The following DIP2B variants were observed in gnomAD, a reference collection of about 807,000 sequenced individuals.
The protein encoded by DIP2B is disco-interacting protein 2 homolog B.
A neutral mutation model predicts 198.0 loss-of-function variants in DIP2B; 76 were observed. The ratio of observed to expected loss-of-function variants is 0.38; its 90% CI spans 0.32 to 0.46. DIP2B has a LOEUF of 0.46. DIP2B is among the 20% of genes least tolerant of loss of function. The pLI is 0.99. For missense variants in DIP2B, 1,559 were observed against 1,978.4 expected (o/e 0.79, Z 4.02); for synonymous variants, 701 against 739.1 (o/e 0.95, Z 0.84).
In DIP2B at chr12:50,664,830, G is replaced by GTTTTTTTTTTTTTTTTTTTT. The variant is rs1205734576; in HGVS notation, c.427+4516_427+4517insTTTTTTTTTTTTTTTTTTTT. Among the ~76,000 whole-genome samples, 7 of 99,686 alleles carry GTTTTTTTTTTTTTTTTTTTT rather than the reference G, an allele frequency of 7.0e-5. 3 individuals are homozygous for GTTTTTTTTTTTTTTTTTTTT. Among genetic ancestry groups the GTTTTTTTTTTTTTTTTTTTT allele is most frequent in the African/African-American group, 1.3e-4 (3 of 23,964 alleles). The allele number at this position is 99,686 out of a possible 152,430, so 65.4% of individuals were successfully genotyped here. On this transcript the variant is annotated intron_variant, in intron 4 of 37. Coordinates refer to ENST00000301180, the MANE Select transcript of DIP2B (RefSeq NM_173602.3). The stretch of plus-strand genomic sequence containing the variant: ...CAAGGAGAATTTCCCTCCTTTTTTG[G>GTTTTTTTTTTTTTTTTTTTT]TTTTTGTTTTTTTTTTTTTTTTTTT...
rs1592135517 is a variant in DIP2B at position 50,704,000 on chromosome 12, ATCTCTAAAGGG to A, written c.2326-139_2326-129del. The A allele has an allele frequency of 2.7e-5, 15 of 550,584 alleles. No individual in the cohort carries two copies. In the East Asian group the frequency reaches 5.7e-4, roughly 21 times the overall value. 34.1% of individuals were successfully genotyped at this position (550,584 alleles called of 1,614,324 possible). On this transcript the variant is annotated intron_variant, in intron 19 of 37. Transcript: ENST00000301180. ...AAACAATAAATTGTAATTATTTCTT[ATCTCTAAAGGG>A]ATGGAATTACTGGATTCACTATTAC...
chr12:50,665,609 T>A (rs939422904), intron 4 of DIP2B, among the ~76,000 whole-genome samples: 3 of 152,090 alleles, frequency 2.0e-5, no homozygotes, highest in African/African-American at 7.2e-5. Flanking sequence ...TCCTTCATAG[T>A]GCTAAATAAA....
rs569384856 is a variant in DIP2B, at chr12:50,674,927, G to T, written c.796+298G>T. On this transcript the variant is annotated intron_variant, in intron 6 of 37. Transcript: ENST00000301180. ...CGCCTGTAATCCCAGCACTTTGGGA[G>T]GCCGCGGTGGGCAGATCATGAGGTC... 1.5e-4 allele frequency among the ~76,000 whole-genome samples: 23 copies of T among 152,332 alleles called. No individual in the cohort carries two copies. The East Asian group carries it at 4.4e-3, about 29-fold the overall frequency.
At chr12:50,583,426 C>T (rs1268095414) in intron 1 of DIP2B, among the ~76,000 whole-genome samples, 2 of 152,132 alleles carry the variant, frequency 1.3e-5, no homozygotes, top group Admixed American at 1.3e-4. Context: ...CTGAGCACCC[C>T]TACCTTCCCA....
chr12:50,743,688 CAAAAG>C (rs1218809020), intron 37 of DIP2B: 1 of 152,148 alleles, frequency 6.6e-6, no homozygotes, highest in Admixed American at 6.5e-5. Context: ...GTCTAAAAAA[CAAAAG>C]AATATTTTAT....
intron 1 of DIP2B, among the ~76,000 whole-genome samples, chr12:50,529,049 G>A (rs1211721994): frequency 6.6e-6 from 1 of 152,172 alleles, no homozygotes; most frequent in Non-Finnish European, 1.5e-5. Context: ...AACTTTTAGT[G>A]AGTTTTACTG....
chr12:50,737,016 A>G lies in DIP2B; in HGVS notation c.4102-20A>G. The G allele has an allele frequency of 6.2e-7, 1 of 1,611,392 alleles. No homozygotes were observed. Among genetic ancestry groups the G allele is most frequent in the Non-Finnish European group, 8.5e-7 (1 of 1,178,322 alleles). On this transcript the variant is annotated intron_variant, in intron 34 of 37. Transcript: ENST00000301180. ...AGATTTCACTGAACTCAATCTTTGT[A>G]TTTTCCCTTTGATTCTTAGATTTTA...
At chr12:50,724,144 G>A (rs1421222957) in intron 27 of DIP2B, among the ~76,000 whole-genome samples, 1 of 152,182 alleles carries the variant, frequency 6.6e-6, no homozygotes, top group African/African-American at 2.4e-5. Context: ...CACCATAGAT[G>A]ATTTTATTAC....
Position 50,680,885 on chromosome 12 carries a change from A to G in DIP2B, c.1206+122A>G. 3 of 970,336 alleles carry G rather than the reference A, an allele frequency of 3.1e-6. No homozygotes were observed. The East Asian group carries it at 7.4e-5, about 24-fold the overall frequency. 60.1% of individuals were successfully genotyped at this position (970,336 alleles called of 1,614,324 possible). ...ATTTATGTAACTCTTATTTTTGGAA[A>G]AATAAAAATGGTTTGGTTCCAACGC... On this transcript the variant is annotated intron_variant, in intron 9 of 37. Coordinates refer to ENST00000301180, the MANE Select transcript of DIP2B (RefSeq NM_173602.3).
chr12:50,698,863 G>A (rs986612584), intron 18 of DIP2B, among the ~76,000 whole-genome samples: 3 of 152,162 alleles, frequency 2.0e-5, no homozygotes, highest in African/African-American at 4.8e-5. Context: ...TGCATTCATC[G>A]TTAATATGTC....
chr12:50,722,538 G>A (rs1428260225), intron 26 of DIP2B, among the ~76,000 whole-genome samples: 1 of 152,162 alleles, frequency 6.6e-6, no homozygotes, highest in African/African-American at 2.4e-5. Flanking sequence ...ACAGGTGTGT[G>A]CCACCATGCC....
At chr12:50,564,900 C>A (rs994146355) in intron 1 of DIP2B, among the ~76,000 whole-genome samples, 3 of 152,164 alleles carry the variant, frequency 2.0e-5, no homozygotes, top group African/African-American at 4.8e-5. Context: ...CCCATGAGAT[C>A]TTCCACCTGA....
intron 1 of DIP2B, among the ~76,000 whole-genome samples, chr12:50,591,413 TG>T (rs1958817216): frequency 6.6e-6 from 1 of 152,034 alleles, no homozygotes; most frequent in African/African-American, 2.4e-5. Flanking sequence ...TTAAAATTCT[TG>T]GGGGTGAGAT....
chr12:50,731,438 C>T lies in DIP2B; in HGVS notation c.3711C>T (p.Leu1237=). ...TAGAGAACAACCTTTTCCTCTGGCT[C>T]TCCACAGTCAACCAGTACAAAATAA... ...MELENNLFLW[L]STVNQYKIRD... is the part of the protein sequence containing the mutation. The change falls in exon 31 of 38, where the codon CTC becomes CTT. Residue 1237 remains leucine (L), a synonymous_variant. Transcript: ENST00000301180. 6.2e-7 allele frequency: 1 copy of T among 1,614,182 alleles called. No homozygotes were observed.
At chr12:50,734,661 C>G (rs747704171) in intron 33 of DIP2B, among the ~76,000 whole-genome samples, 4 of 152,170 alleles carry the variant, frequency 2.6e-5, no homozygotes, top group Non-Finnish European at 5.9e-5. Flanking sequence ...CTTCTCTTCC[C>G]AAGCCCCACT....
intron 1 of DIP2B, among the ~76,000 whole-genome samples, chr12:50,615,876 C>T (rs990736503): frequency 6.6e-6 from 1 of 152,238 alleles, no homozygotes; most frequent in South Asian, 2.1e-4. Context: ...CGTGCTCTTT[C>T]TATTGACTGA....
chr12:50,510,482 A>G (rs781311806), intron 1 of DIP2B, among the ~76,000 whole-genome samples: 4 of 152,352 alleles, frequency 2.6e-5, no homozygotes, highest in Middle Eastern at 3.4e-3. Context: ...TTGAAAGTTC[A>G]TATGACTGGC....
At chr12:50,560,408 A>C (rs12582683) in intron 1 of DIP2B, among the ~76,000 whole-genome samples, 47,360 of 149,878 alleles carry the variant, frequency 0.32, 7,726 homozygotes, top group South Asian at 0.39. Context: ...AAAAAAAAAA[A>C]AGCAAAAAAC....
chr12:50,716,464 C>T (rs1592140375), intron 23 of DIP2B, among the ~76,000 whole-genome samples: 1 of 152,042 alleles, frequency 6.6e-6, no homozygotes. Flanking sequence ...GGAGACGGAG[C>T]TTGCAGTGAG....
Sources: gnomAD v4.1 joint callset for allele counts (sites outside exome capture counted in the v4.1 genomes callset) on GRCh38, gnomAD v4.1.1 for gene constraint, MANE v1.5 for transcripts, NCBI Gene and HGNC (gene_info 2026-07-23, HGNC 2026-07-21) for gene names.